Variants in PTPRK observed in about 807,000 individuals in gnomAD.
PTPRK encodes receptor-type tyrosine-protein phosphatase kappa.
A neutral mutation model predicts 178.0 loss-of-function variants in PTPRK; 75 were observed. That is an observed-to-expected ratio of 0.42 (90% CI 0.35 to 0.51). The LOEUF is 0.51. PTPRK is among the 20% of genes least tolerant of loss of function. The probability of loss-of-function intolerance (pLI) is 0.02; values close to 1 mark genes in which losing one functional copy is unlikely to be tolerated. For missense variants in PTPRK, 1,441 were observed against 1,797.8 expected (o/e 0.80, Z 3.59); for synonymous variants, 637 against 620.6 (o/e 1.03, Z -0.39).
At chr6:128,355,478 G>C (rs1380237928) in intron 2 of PTPRK, among the ~76,000 whole-genome samples, 2 of 152,088 alleles carry the variant, frequency 1.3e-5, no homozygotes, top group Non-Finnish European at 2.9e-5. Flanking sequence ...GGCCTATTGT[G>C]TGTAAAATAG....
intron 16 of PTPRK, among the ~76,000 whole-genome samples, 170 bp downstream of exon 16, chr6:127,998,550 C>T (rs968691561): frequency 2.6e-5 from 4 of 151,750 alleles, no homozygotes; most frequent in African/African-American, 9.7e-5. Flanking sequence ...TTCCCCATTC[C>T]CTTCCCATTC....
chr6:128,499,516 C>T (rs1051546238), intron 1 of PTPRK, among the ~76,000 whole-genome samples: 1 of 152,206 alleles, frequency 6.6e-6, no homozygotes, highest in African/African-American at 2.4e-5. Flanking sequence ...AGTTAAATTA[C>T]TCATTTACCA....
chr6:128,277,715 C>T (rs1020145077), intron 3 of PTPRK, among the ~76,000 whole-genome samples: 8 of 152,142 alleles, frequency 5.3e-5, no homozygotes, highest in Non-Finnish European at 8.8e-5. Context: ...ATTTATGAAT[C>T]GACCTCAGCA....
At chr6:128,297,979 CA>C (rs774590172) in intron 3 of PTPRK, among the ~76,000 whole-genome samples, 6 of 151,750 alleles carry the variant, frequency 4.0e-5, no homozygotes, top group African/African-American at 1.5e-4. Context: ...AGACTGCTAG[CA>C]AGACAAATAA....
chr6:128,008,212 G>A (rs1322810153), intron 14 of PTPRK: 3 of 408,444 alleles, frequency 7.3e-6, no homozygotes, highest in African/African-American at 2.2e-5. Context: ...AACTATAATA[G>A]TAAACTAGAT....
chr6:128,261,657 G>T (rs1210011570), intron 3 of PTPRK, among the ~76,000 whole-genome samples: 1 of 152,058 alleles, frequency 6.6e-6, no homozygotes, highest in Admixed American at 6.6e-5. Context: ...CCACCTGCAG[G>T]CATCAAGCAC....
At chr6:128,353,538 A>G (rs536509474) in intron 2 of PTPRK, among the ~76,000 whole-genome samples, 2 of 152,366 alleles carry the variant, frequency 1.3e-5, no homozygotes, top group South Asian at 4.1e-4. Context: ...GGAACTATTA[A>G]TATGCACAAC....
chr6:128,169,387 A>G (rs1562715638), intron 7 of PTPRK, among the ~76,000 whole-genome samples: 1 of 152,072 alleles, frequency 6.6e-6, no homozygotes, highest in East Asian at 1.9e-4. Context: ...AAAAGAAAAA[A>G]AACAAAGAAG....
intron 4 of PTPRK, 40 bp downstream of exon 4, chr6:128,242,481 G>A (rs369281916): frequency 6.9e-6 from 11 of 1,596,736 alleles, no homozygotes; most frequent in Non-Finnish European, 9.4e-6. Flanking sequence ...GGCAAGTGTG[G>A]AAAGGACATA....
intron 2 of PTPRK, among the ~76,000 whole-genome samples, chr6:128,359,763 A>T (rs1486730603): frequency 6.6e-6 from 1 of 152,110 alleles, no homozygotes; most frequent in Non-Finnish European, 1.5e-5. Flanking sequence ...AAAAATAAAA[A>T]AAAAATAATA....
chr6:128,036,781 G>A (rs1776299026), intron 13 of PTPRK, among the ~76,000 whole-genome samples: 2 of 151,474 alleles, frequency 1.3e-5, no homozygotes, highest in South Asian at 4.2e-4. Context: ...TGTTACCCAG[G>A]CTGGAGTGCA....
intron 13 of PTPRK, among the ~76,000 whole-genome samples, chr6:128,059,966 C>A (rs1780537574): frequency 1.3e-5 from 2 of 152,058 alleles, no homozygotes; most frequent in Non-Finnish European, 2.9e-5. Flanking sequence ...ATCATGCACC[C>A]TTGAAGGTCC....
At chr6:128,319,352 C>A (rs1828478234) in intron 3 of PTPRK, among the ~76,000 whole-genome samples, 1 of 152,080 alleles carries the variant, frequency 6.6e-6, no homozygotes, top group African/African-American at 2.4e-5. Context: ...AAGAGCAGAG[C>A]AAACATCTGA....
rs1270990331 is a variant in PTPRK at position 128,502,257 on chromosome 6, A to G, written c.100+18002T>C. Among the ~76,000 whole-genome samples the G allele has an allele frequency of 2.0e-5, 3 of 152,226 alleles. 1 individual carries two copies. Among genetic ancestry groups the G allele is most frequent in the African/African-American group, 7.2e-5 (3 of 41,462 alleles). ...AGAGAGCTTGAATAGTCATATCAGCACCTGAGACCAAAGAGAGTCAATCCT... is the reference window on the plus strand; with the variant it reads ...AGAGAGCTTGAATAGTCATATCAGCGCCTGAGACCAAAGAGAGTCAATCCT... On this transcript the variant is annotated intron_variant, in intron 1 of 29. Coordinates refer to ENST00000368226, the MANE Select transcript of PTPRK (RefSeq NM_002844.4).
chr6:128,165,071 T>A (rs1361890898), intron 7 of PTPRK, among the ~76,000 whole-genome samples: 1 of 151,210 alleles, frequency 6.6e-6, no homozygotes, highest in Non-Finnish European at 1.5e-5. Context: ...CTGTGAATTC[T>A]ATGTGTGCAA....
intron 1 of PTPRK, chr6:128,500,632 T>C (rs1457751074): frequency 6.6e-6 from 1 of 152,196 alleles, no homozygotes; most frequent in Non-Finnish European, 1.5e-5. Flanking sequence ...TTTCCTATTA[T>C]ATAACCATTT....
At chr6:128,439,524 C>T (rs1348973716) in intron 1 of PTPRK, among the ~76,000 whole-genome samples, 1 of 152,110 alleles carries the variant, frequency 6.6e-6, no homozygotes, top group Non-Finnish European at 1.5e-5. Flanking sequence ...ATGCTTTATT[C>T]ATGATTTCTG....
At chr6:128,211,354 T>A (rs1299583933) in intron 6 of PTPRK, among the ~76,000 whole-genome samples, 1 of 152,114 alleles carries the variant, frequency 6.6e-6, no homozygotes, top group Admixed American at 6.6e-5. Context: ...TGACAAAGTA[T>A]TATTTATCTG....
At chr6:128,279,836 C>T (rs574080460) in intron 3 of PTPRK, among the ~76,000 whole-genome samples, 6 of 152,256 alleles carry the variant, frequency 3.9e-5, no homozygotes, top group East Asian at 3.9e-4. Context: ...TTATTATTAA[C>T]AACTCCTCAC....
Sources: allele counts gnomAD v4.1 joint callset (sites outside exome capture counted in the v4.1 genomes callset), GRCh38; gene constraint gnomAD v4.1.1; transcripts MANE v1.5; gene names NCBI Gene and HGNC (gene_info 2026-07-23, HGNC 2026-07-21).